The following RUNDC3B variants were observed in gnomAD, a reference collection of about 807,000 sequenced individuals.
RUNDC3B encodes RUN domain containing 3B, also known as RUN domain-containing protein 3B.
A neutral mutation model predicts 58.4 loss-of-function variants in RUNDC3B; 33 were observed. The ratio of observed to expected loss-of-function variants is 0.56; its 90% CI spans 0.43 to 0.75. RUNDC3B has a LOEUF of 0.75. RUNDC3B is among the 30% of genes least tolerant of loss of function. The pLI, the probability that RUNDC3B is intolerant of heterozygous loss-of-function variation, is 0.00. For synonymous variants in RUNDC3B, 193 were observed against 195.2 expected (o/e 0.99, Z 0.10); for missense variants, 501 against 535.7 (o/e 0.94, Z 0.64).
intron 1 of RUNDC3B, among the ~76,000 whole-genome samples, chr7:87,630,002 A>G (rs1042577516): frequency 1.3e-5 from 2 of 152,090 alleles, no homozygotes; most frequent in African/African-American, 4.8e-5. Flanking sequence ...TATTTTCTTT[A>G]AGTCTTATAT....
At chr7:87,744,656 G>A (rs1395140858) in intron 6 of RUNDC3B, among the ~76,000 whole-genome samples, 1 of 152,194 alleles carries the variant, frequency 6.6e-6, no homozygotes, top group African/African-American at 2.4e-5. Flanking sequence ...ACTGATTTGT[G>A]TACATTAATA....
At chr7:87,714,854 A>G (rs987936483) in intron 4 of RUNDC3B, among the ~76,000 whole-genome samples, 2 of 151,990 alleles carry the variant, frequency 1.3e-5, no homozygotes, top group Non-Finnish European at 2.9e-5. Flanking sequence ...TTTCTGGGAT[A>G]GGAATCTTGG....
chr7:87,829,117 T>C (rs190547899), intron 10 of RUNDC3B, among the ~76,000 whole-genome samples: 277 of 152,306 alleles, frequency 1.8e-3, no homozygotes, highest in African/African-American at 6.5e-3. Flanking sequence ...TTCTGTGTCT[T>C]CTTTTGAGAA....
At chr7:87,654,516 C>T (rs1823890309) in intron 2 of RUNDC3B, among the ~76,000 whole-genome samples, 1 of 152,098 alleles carries the variant, frequency 6.6e-6, no homozygotes, top group South Asian at 2.1e-4. Flanking sequence ...GTTGAGACAA[C>T]TGGTTAGCCA....
chr7:87,828,007 G>A (rs1303811192), intron 10 of RUNDC3B, among the ~76,000 whole-genome samples: 1 of 152,014 alleles, frequency 6.6e-6, no homozygotes, highest in Non-Finnish European at 1.5e-5. Context: ...AGCAATAAAT[G>A]TATAAAGTAA....
At chr7:87,642,924 T>G (rs1032983404) in intron 1 of RUNDC3B, among the ~76,000 whole-genome samples, 1 of 152,198 alleles carries the variant, frequency 6.6e-6, no homozygotes, top group African/African-American at 2.4e-5. Context: ...TTTTAAAATT[T>G]TCCTTTTTAG....
chr7:87,711,526 T>G (rs1830085761), intron 4 of RUNDC3B, among the ~76,000 whole-genome samples: 1 of 152,078 alleles, frequency 6.6e-6, no homozygotes, highest in Admixed American at 6.6e-5. Flanking sequence ...CAACAGTCAT[T>G]CCTAATTAGC....
At chr7:87,794,565 A>G (rs995853662) in intron 8 of RUNDC3B, among the ~76,000 whole-genome samples, 1 of 152,136 alleles carries the variant, frequency 6.6e-6, no homozygotes, top group East Asian at 1.9e-4. Context: ...ATTGTACCCA[A>G]AGAAATCTAC....
At position 87,805,630 on chromosome 7, in the gene RUNDC3B, G is replaced by A. The variant is rs147889336; in HGVS notation, c.957-1743G>A. 1.2e-3 allele frequency among the ~76,000 whole-genome samples: 182 copies of A among 152,204 alleles called. 1 individual carries two copies. Among genetic ancestry groups the A allele is most frequent in the African/African-American group, 4.2e-3 (174 of 41,534 alleles). On this transcript the variant is annotated intron_variant, in intron 8 of 10. Transcript: ENST00000394654. ...TCAGTTCTCTTTTCCATTTAATGAGGTATAAAACTTTTCACTTTCCAGAAA... is the reference window on the plus strand; with the variant it reads ...TCAGTTCTCTTTTCCATTTAATGAGATATAAAACTTTTCACTTTCCAGAAA...
chr7:87,721,536 G>A (rs1036395388), intron 4 of RUNDC3B, among the ~76,000 whole-genome samples: 11 of 152,032 alleles, frequency 7.2e-5, no homozygotes, highest in African/African-American at 2.7e-4. Flanking sequence ...CCCTGAAATG[G>A]CTAATGAACT....
At chr7:87,759,361 A>G (rs1337143294) in intron 6 of RUNDC3B, among the ~76,000 whole-genome samples, 1 of 152,152 alleles carries the variant, frequency 6.6e-6, no homozygotes, top group African/African-American at 2.4e-5. Context: ...AAAAGTCGGG[A>G]TGATTAATGG....
At chr7:87,775,186 T>C (rs1834553520) in intron 7 of RUNDC3B, among the ~76,000 whole-genome samples, 1 of 152,200 alleles carries the variant, frequency 6.6e-6, no homozygotes, top group South Asian at 2.1e-4. Flanking sequence ...CTGAAGTCCT[T>C]GCAGTCAGAC....
chr7:87,638,345 T>TTGTTTG (rs1822036502), intron 1 of RUNDC3B, among the ~76,000 whole-genome samples: 1 of 144,696 alleles, frequency 6.9e-6, no homozygotes, highest in East Asian at 2.0e-4. Context: ...AAGTATGTGT[T>TTGTTTG]TGTGTGTGTG....
At chr7:87,771,690 G>A (rs942251976) in intron 7 of RUNDC3B, among the ~76,000 whole-genome samples, 2 of 152,150 alleles carry the variant, frequency 1.3e-5, no homozygotes, top group Non-Finnish European at 2.9e-5. Context: ...TGGGGGTGAA[G>A]GCATAATTCC....
At position 87,770,653 on chromosome 7, in the gene RUNDC3B, A is replaced by T; in HGVS notation, c.702A>T (p.Pro234=). Reference sequence around the variant, plus strand: ...GCAGTGGTAGCGAAAGCAGTACTCCAGAGAATGTCGGACCTCCTTTCCTCA... The same window carrying T: ...GCAGTGGTAGCGAAAGCAGTACTCCTGAGAATGTCGGACCTCCTTTCCTCA... ...LGSSGSESST[P]ENVGPPFLMD... is the part of the protein sequence containing the mutation. Residue 234 remains proline, a synonymous_variant, in exon 7 of 11, where the codon CCA becomes CCT. Coordinates refer to ENST00000394654, the MANE Select transcript of RUNDC3B (RefSeq NM_001134405.2). 1 of 1,613,524 alleles carries T rather than the reference A, an allele frequency of 6.2e-7. No individual in the cohort carries two copies.
chr7:87,674,577 A>G lies in RUNDC3B; in HGVS notation c.238+23640A>G, dbSNP rs146563859. 3.9e-5 allele frequency among the ~76,000 whole-genome samples: 6 copies of G among 152,186 alleles called. No homozygotes were observed. In the East Asian group the frequency reaches 1.2e-3, roughly 29 times the overall value. ...GGGAGTCAGGGCATGGGCAAATAGTATATGCCAGTAAAGTAGGTGAGGCAA... is the reference window on the plus strand; with the variant it reads ...GGGAGTCAGGGCATGGGCAAATAGTGTATGCCAGTAAAGTAGGTGAGGCAA... On this transcript the variant is annotated intron_variant, in intron 2 of 10. Transcript: ENST00000394654.
chr7:87,753,273 T>C (rs1465405266), intron 6 of RUNDC3B, among the ~76,000 whole-genome samples: 1 of 151,790 alleles, frequency 6.6e-6, no homozygotes, highest in Admixed American at 6.6e-5. Context: ...TTACATTTGC[T>C]GAGGAGAGCT....
intron 2 of RUNDC3B, among the ~76,000 whole-genome samples, chr7:87,669,435 C>T (rs757193689): frequency 2.2e-4 from 33 of 152,106 alleles, no homozygotes; most frequent in South Asian, 4.1e-4. Flanking sequence ...TCCAGCTTCT[C>T]ACTGTGCCTT....
Position 87,778,722 on chromosome 7 carries a change from C to A in RUNDC3B, c.956+767C>A, listed in dbSNP as rs980975751. On this transcript the variant is annotated intron_variant, in intron 8 of 10. Transcript: ENST00000394654. Reference sequence around the variant, plus strand: ...GCTGAGTTATTTTTTAAGAGCAAGACTTTTTTTGATGAAGAAAGCAGTATA... The same window carrying A: ...GCTGAGTTATTTTTTAAGAGCAAGAATTTTTTTGATGAAGAAAGCAGTATA... Among the ~76,000 whole-genome samples the A allele has an allele frequency of 2.6e-5, 4 of 151,940 alleles. No individual in the cohort carries two copies. In the East Asian group the frequency reaches 7.7e-4, roughly 29 times the overall value.
Sources: allele counts gnomAD v4.1 joint callset (sites outside exome capture counted in the v4.1 genomes callset), GRCh38; gene constraint gnomAD v4.1.1; transcripts MANE v1.5; gene names NCBI Gene and HGNC (gene_info 2026-07-23, HGNC 2026-07-21).